The following CAMSAP2 variants were observed in gnomAD, a reference collection of about 807,000 sequenced individuals.
The protein encoded by CAMSAP2 is calmodulin regulated spectrin associated protein family member 2, also known as calmodulin-regulated spectrin-associated protein 2.
In CAMSAP2, 26 loss-of-function variants were observed where a neutral mutation model predicts 146.1. That is an observed-to-expected ratio of 0.18 (90% confidence interval 0.13 to 0.25). CAMSAP2 has a LOEUF of 0.25. Ranked by LOEUF, CAMSAP2 falls within the 10% of genes least tolerant of loss-of-function variation. CAMSAP2 has a pLI of 1.00. For missense variants in CAMSAP2, 1,381 were observed against 1,759.3 expected (o/e 0.78, Z 3.85); for synonymous variants, 499 against 596.6 (o/e 0.84, Z 2.38).
chr1:200,834,060 A>G (rs1433002804), intron 6 of CAMSAP2, among the ~76,000 whole-genome samples: 1 of 152,168 alleles, frequency 6.6e-6, no homozygotes, highest in African/African-American at 2.4e-5. Flanking sequence ...CATTGATGTT[A>G]AATGTTAAAA....
chr1:200,796,365 T>C (rs918414703), intron 2 of CAMSAP2, among the ~76,000 whole-genome samples: 1 of 152,258 alleles, frequency 6.6e-6, no homozygotes, highest in Non-Finnish European at 1.5e-5. Flanking sequence ...TGTTGATTAT[T>C]GTTGCTTTGT....
At chr1:200,771,286 A>G (rs911023728) in intron 2 of CAMSAP2, among the ~76,000 whole-genome samples, 2 of 152,192 alleles carry the variant, frequency 1.3e-5, no homozygotes, top group Non-Finnish European at 2.9e-5. Flanking sequence ...TACTTTGCAA[A>G]GTAATTTTTT....
chr1:200,820,860 T>C (rs1281872127), intron 4 of CAMSAP2, among the ~76,000 whole-genome samples: 1 of 152,234 alleles, frequency 6.6e-6, no homozygotes, highest in African/African-American at 2.4e-5. Flanking sequence ...AAATGACTTT[T>C]ACTAGCATCC....
At chr1:200,746,062 G>T (rs1664313697) in intron 1 of CAMSAP2, among the ~76,000 whole-genome samples, 1 of 152,174 alleles carries the variant, frequency 6.6e-6, no homozygotes, top group South Asian at 2.1e-4. Flanking sequence ...GTCAGTTTCT[G>T]TTTTAAGCGA....
At chr1:200,817,918 A>G (rs1247194020) in intron 4 of CAMSAP2, among the ~76,000 whole-genome samples, 2 of 152,118 alleles carry the variant, frequency 1.3e-5, no homozygotes, top group Non-Finnish European at 2.9e-5. Flanking sequence ...ATTATGTTTC[A>G]TTTCCCTGCT....
intron 4 of CAMSAP2, among the ~76,000 whole-genome samples, chr1:200,827,160 A>G (rs1666926206): frequency 6.6e-6 from 1 of 152,216 alleles, no homozygotes; most frequent in Non-Finnish European, 1.5e-5. Context: ...TTTTCCGCCA[A>G]GAAGATTGCT....
intron 2 of CAMSAP2, among the ~76,000 whole-genome samples, chr1:200,779,239 C>A (rs1161977985): frequency 1.3e-5 from 2 of 152,260 alleles, no homozygotes; most frequent in East Asian, 3.9e-4. Context: ...ATGTGTAGGA[C>A]CTCCCCACAC....
At chr1:200,819,159 C>A (rs1024183841) in intron 4 of CAMSAP2, among the ~76,000 whole-genome samples, 1 of 152,110 alleles carries the variant, frequency 6.6e-6, no homozygotes, top group African/African-American at 2.4e-5. Flanking sequence ...GTATTAGATC[C>A]TCCAGTGATG....
chr1:200,753,441 C>T (rs1436867668), intron 1 of CAMSAP2, among the ~76,000 whole-genome samples: 1 of 152,146 alleles, frequency 6.6e-6, no homozygotes, highest in African/African-American at 2.4e-5. Context: ...CAGGAGCTGA[C>T]TGGGTGCCTC....
At chr1:200,740,033 C>T (rs1664111443) in intron 1 of CAMSAP2, 67 bp downstream of exon 1, 24 of 1,558,966 alleles carry the variant, frequency 1.5e-5, no homozygotes, top group Non-Finnish European at 1.6e-5. Context: ...TTTTTGTTCC[C>T]GATTCTCGAA....
At position 200,857,033 on chromosome 1, in the gene CAMSAP2, G is replaced by T. The variant is rs1667767043; in HGVS notation, c.4013-273G>T. Reference sequence around the variant, plus strand: ...TAACCGTATAGATTTAAGAAAGAAGGTTAAATAGGCAGTATGACAGTTATA... The same window carrying T: ...TAACCGTATAGATTTAAGAAAGAAGTTTAAATAGGCAGTATGACAGTTATA... On this transcript the variant is annotated intron_variant, in intron 15 of 16. Transcript: ENST00000358823. This position sits in a 1 kb window ranked among gnomAD's most constrained non-coding sequence, Gnocchi z 4.7. 6.6e-6 allele frequency among the ~76,000 whole-genome samples: 1 copy of T among 152,124 alleles called. No homozygotes were observed. The highest frequency in any genetic ancestry group is 2.4e-5 in the African/African-American group (1 of 41,424).
At chr1:200,758,924 A>C (rs928782218) in intron 1 of CAMSAP2, among the ~76,000 whole-genome samples, 1 of 152,076 alleles carries the variant, frequency 6.6e-6, no homozygotes, top group Non-Finnish European at 1.5e-5. Context: ...CCTTATATCT[A>C]TATGGTAATC....
intron 2 of CAMSAP2, 72 bp from the exon 3 acceptor site, chr1:200,807,303 AC>A: frequency 8.4e-7 from 1 of 1,192,284 alleles, no homozygotes; most frequent in Non-Finnish European, 1.1e-6. Context: ...GATGTCATTA[AC>A]ATTTCAAAAT....
chr1:200,851,269 C>T (rs1411211160), intron 11 of CAMSAP2, among the ~76,000 whole-genome samples: 1 of 152,128 alleles, frequency 6.6e-6, no homozygotes, highest in Non-Finnish European at 1.5e-5. Context: ...GGCGCAATCT[C>T]GGCTTACCAC....
intron 4 of CAMSAP2, chr1:200,828,602 T>C (rs1390104271): frequency 6.5e-7 from 1 of 1,550,018 alleles, no homozygotes; most frequent in African/African-American, 1.4e-5. Flanking sequence ...GGAAACTGGT[T>C]CCAGTAAGTT....
intron 13 of CAMSAP2, 94 bp from the exon 14 acceptor site, chr1:200,854,723 G>C: frequency 1.3e-6 from 1 of 782,476 alleles, no homozygotes; most frequent in Admixed American, 2.8e-5. Flanking sequence ...TTATATGCTG[G>C]TGTTATCTAA....
chr1:200,795,019 G>A (rs1665847858), intron 2 of CAMSAP2, among the ~76,000 whole-genome samples: 2 of 152,160 alleles, frequency 1.3e-5, no homozygotes, highest in South Asian at 4.1e-4. Context: ...AGAAGTTAAG[G>A]AATTTGCCAA....
intron 1 of CAMSAP2, among the ~76,000 whole-genome samples, chr1:200,743,682 T>C (rs1451154540): frequency 6.6e-6 from 1 of 152,114 alleles, no homozygotes; most frequent in Non-Finnish European, 1.5e-5. Context: ...GGCTCATGCC[T>C]GTAATCCCAG....
intron 2 of CAMSAP2, among the ~76,000 whole-genome samples, chr1:200,766,473 T>G (rs1207872551): frequency 6.6e-6 from 1 of 152,200 alleles, no homozygotes; most frequent in Non-Finnish European, 1.5e-5. Context: ...GCAGTGTGCT[T>G]ACACTTTAAC....
Sources: gnomAD v4.1 joint callset for allele counts (sites outside exome capture counted in the v4.1 genomes callset) on GRCh38, gnomAD v4.1.1 for gene constraint, Gnocchi (gnomAD v3.1) non-coding constraint, MANE v1.5 for transcripts, NCBI Gene and HGNC (gene_info 2026-07-23, HGNC 2026-07-21) for gene names.